Variants in CCNL2 observed in about 807,000 individuals in gnomAD.
The protein encoded by CCNL2 is cyclin L2, also known as cyclin-L2.
A neutral mutation model predicts 59.1 loss-of-function variants in CCNL2; 28 were observed. That is an observed-to-expected ratio of 0.47 (90% CI 0.35 to 0.65). CCNL2 has a LOEUF of 0.65. Among genes scored for constraint, CCNL2 ranks in the 30% least tolerant of loss-of-function variants. The pLI is 0.00. For synonymous variants in CCNL2, 342 were observed against 288.6 expected, an observed-to-expected ratio of 1.19 and a Z score of -1.88; for missense variants, 714 against 717.4, an observed-to-expected ratio of 1.00 and a Z score of 0.05.
intron 10 of CCNL2, 51 bp downstream of exon 10, chr1:1,387,726 G>A: frequency 6.6e-7 from 1 of 1,517,768 alleles, no homozygotes; most frequent in Non-Finnish European, 9.0e-7. Flanking sequence ...TTACCCCGAG[G>A]GACAGCCCCA....
chr1:1,387,496 G>A lies in CCNL2; in HGVS notation c.1298C>T (p.Pro433Leu), dbSNP rs1463485099. 6.3e-7 allele frequency: 1 copy of A among 1,594,902 alleles called. No homozygotes were observed. Among genetic ancestry groups the A allele is most frequent in the South Asian group, 1.1e-5 (1 of 89,508 alleles). ...SRSDSPPRQA[P>L]RSAPYKGSEI... The stretch of plus-strand genomic sequence containing the variant: ...AGAGCCTTTGTAGGGAGCGCTGCGG[G>A]GGGCCTGTCTCGGTGGGGAGTCACT... The change falls in exon 11 of 11, where the codon CCC (proline) becomes CTC (leucine). Residue 433 changes from proline to leucine, a missense_variant. By Grantham distance (98) the Pro-to-Leu change is moderately conservative. Around this residue, in one of 5 missense-constraint regions of CCNL2, gnomAD observed 403 missense variants for 377.7 expected, o/e 1.07. Coordinates refer to ENST00000400809, the MANE Select transcript of CCNL2 (RefSeq NM_030937.6).
At chr1:1,389,537 C>T (rs1447887578) in intron 8 of CCNL2, 1 of 152,160 alleles carries the variant, frequency 6.6e-6, no homozygotes, top group South Asian at 2.1e-4. Context: ...TGCTAATCAA[C>T]AGAAAGGCCA....
chr1:1,393,754 T>C (rs1644866664), intron 4 of CCNL2, among the ~76,000 whole-genome samples: 2 of 152,148 alleles, frequency 1.3e-5, no homozygotes, highest in African/African-American at 2.4e-5. Context: ...ACCAGTGAGG[T>C]TGGCCTGTCC....
rs1461014965 is a variant in CCNL2 at position 1,399,266 on chromosome 1, G to T, written c.41C>A (p.Ala14Glu). ...AAAAAGAAGS[A>E]APAAAAGAPG... Reference sequence around the variant, plus strand: ...GGCGCCGGCCGCTGCCGCGGGAGCTGCCGACCCTGCAGCACCAGCCGCCGC... The same window carrying T: ...GGCGCCGGCCGCTGCCGCGGGAGCTTCCGACCCTGCAGCACCAGCCGCCGC... The change falls in exon 1 of 11, where the codon GCA becomes GAA. Residue 14 changes from alanine (A) to glutamate (E), a missense_variant. By Grantham distance (107) the Ala-to-Glu change is moderately radical. This residue lies in a region of CCNL2 where 270 missense variants were observed against 254.9 expected (regional missense o/e 1.06). Transcript: ENST00000400809. 5.1e-6 allele frequency: 8 copies of T among 1,568,522 alleles called. No individual in the cohort carries two copies. Among genetic ancestry groups the T allele is most frequent in the African/African-American group, 1.4e-5 (1 of 71,084 alleles).
At chr1:1,398,896 G>T (rs539251901) in intron 1 of CCNL2, 123 bp downstream of exon 1, 16 of 1,429,712 alleles carry the variant, frequency 1.1e-5, no homozygotes, top group Non-Finnish European at 1.5e-5. Context: ...GCCGAGGCTG[G>T]GGTCGGGGCA....
chr1:1,393,524 G>C, intron 4 of CCNL2, 64 bp from the exon 5 acceptor site: 5 of 1,399,474 alleles, frequency 3.6e-6, no homozygotes, highest in Non-Finnish European at 5.1e-6. Context: ...CAGATCTTGT[G>C]GGTGTCCATG....
chr1:1,387,723 G>A (rs567433441), intron 10 of CCNL2, 54 bp downstream of exon 10: 196 of 1,509,612 alleles, frequency 1.3e-4, no homozygotes, highest in Non-Finnish European at 1.6e-4. Flanking sequence ...TGATTACCCC[G>A]AGGGACAGCC....
chr1:1,395,579 CGTT>C (rs1240700167), intron 3 of CCNL2, 65 bp from the exon 4 acceptor site: 2 of 1,598,300 alleles, frequency 1.3e-6, no homozygotes, highest in Admixed American at 1.7e-5. Flanking sequence ...GAGATCCCGT[CGTT>C]ACCTCCAACT....
chr1:1,393,008 C>T (rs894565099), intron 5 of CCNL2: 80 of 626,456 alleles, frequency 1.3e-4, no homozygotes, highest in Non-Finnish European at 2.3e-5. Context: ...AAAATCGGCC[C>T]CAGAACCTTC....
At chr1:1,398,902 G>A in intron 1 of CCNL2, 117 bp downstream of exon 1, 2 of 1,438,664 alleles carry the variant, frequency 1.4e-6, no homozygotes, top group South Asian at 1.5e-5. Context: ...GCTGGGGTCG[G>A]GGCAGGGGCT....
At chr1:1,389,141 G>A (rs1001771090) in intron 8 of CCNL2, 1 of 156,024 alleles carries the variant, frequency 6.4e-6, no homozygotes, top group African/African-American at 2.4e-5. Context: ...GGGAGGCCGA[G>A]GCGGGTGGAT....
chr1:1,399,096 T>C lies in CCNL2; in HGVS notation c.211A>G (p.Thr71Ala), dbSNP rs147201418. ...ACGCGGAGGTCGGTCTCTGTGTCGG[T>C]GTCGAGGCCGCTCGACATGGACGGC... ...FTPSMSSGLD[T>A]DTETDLRVVG... The change falls in exon 1 of 11, where the codon ACC (threonine) becomes GCC (alanine). Residue 71 changes from threonine to alanine, a missense_variant. Physicochemically the swap from Thr to Ala is moderately conservative, Grantham distance 58 (BLOSUM62 0). Around this residue, in one of 5 missense-constraint regions of CCNL2, gnomAD observed 270 missense variants for 254.9 expected, o/e 1.06. Coordinates refer to ENST00000400809, the MANE Select transcript of CCNL2 (RefSeq NM_030937.6). The C allele has an allele frequency of 2.4e-5, 38 of 1,611,648 alleles. No homozygotes were observed. The highest frequency in any genetic ancestry group is 3.2e-5 in the Non-Finnish European group (38 of 1,179,424).
chr1:1,393,699 C>T (rs1436030543), intron 4 of CCNL2, among the ~76,000 whole-genome samples: 1 of 152,238 alleles, frequency 6.6e-6, no homozygotes, highest in Non-Finnish European at 1.5e-5. Context: ...GCACAGGCCT[C>T]GTTCTTCATG....
At position 1,386,704 on chromosome 1, in the gene CCNL2, C is replaced by T. The variant is rs1210679643; in HGVS notation, c.*527G>A. 6.5e-6 allele frequency: 1 copy of T among 152,996 alleles called. No individual in the cohort carries two copies. 9.5% of individuals were successfully genotyped at this position (152,996 alleles called of 1,614,324 possible). A position where few individuals can be genotyped will look rare whatever the true frequency, so the allele number is the denominator to read the frequency against. ...TCAAGTTCTGAGTTTTCATACATAG[C>T]TTTAACTTGTATTAAACACATGTTT... On this transcript the variant is annotated 3_prime_UTR_variant, in exon 11 of 11. Coordinates refer to ENST00000400809, the MANE Select transcript of CCNL2 (RefSeq NM_030937.6).
intron 4 of CCNL2, among the ~76,000 whole-genome samples, chr1:1,394,750 A>AAG (rs1383525095): frequency 1.4e-5 from 2 of 143,382 alleles, no homozygotes; most frequent in Admixed American, 1.4e-4. Context: ...ACTCCGTCTC[A>AAG]AGAAAAAAAA....
chr1:1,397,437 G>A (rs1329999411), intron 3 of CCNL2, among the ~76,000 whole-genome samples: 2 of 152,138 alleles, frequency 1.3e-5, no homozygotes, highest in Admixed American at 6.6e-5. Context: ...GAGATGACAG[G>A]TGTGAGCTCC....
intron 4 of CCNL2, among the ~76,000 whole-genome samples, chr1:1,394,422 G>A (rs1326821674): frequency 2.0e-5 from 3 of 152,108 alleles, no homozygotes; most frequent in East Asian, 1.9e-4. Context: ...CTCCATAAGA[G>A]AAAGTAAAGC....
intron 5 of CCNL2, chr1:1,391,556 G>A: frequency 1.5e-6 from 2 of 1,305,252 alleles, no homozygotes; most frequent in Admixed American, 2.3e-5. Flanking sequence ...GCTGCCAACT[G>A]TCCCATTTCA....
chr1:1,398,112 T>C (rs1645146221), intron 3 of CCNL2, 121 bp downstream of exon 3: 1 of 934,140 alleles, frequency 1.1e-6, no homozygotes, highest in Non-Finnish European at 1.6e-6. Context: ...ACTGCGCTCA[T>C]GAATATCCCA....
Sources: gnomAD v4.1 joint callset for allele counts (sites outside exome capture counted in the v4.1 genomes callset) on GRCh38, gnomAD v4.1.1 for gene constraint, gnomAD v4.1.1 regional missense constraint, MANE v1.5 for transcripts, NCBI Gene and HGNC (gene_info 2026-07-23, HGNC 2026-07-21) for gene names.